The following CSF1R variants were observed in gnomAD, a reference collection of about 807,000 sequenced individuals.
CSF1R encodes the protein colony stimulating factor 1 receptor.
In CSF1R, 40 loss-of-function variants were observed where a neutral mutation model predicts 110.0. The observed-to-expected ratio is 0.36, with a 90% CI of 0.28 to 0.47. The LOEUF (loss-of-function observed/expected upper bound fraction) is 0.47, where lower values mean the gene tolerates loss of function less well. Ranked by LOEUF, CSF1R falls within the 20% of genes least tolerant of loss-of-function variation. CSF1R has a pLI of 0.99. For synonymous variants in CSF1R, 523 were observed against 503.4 expected, an observed-to-expected ratio of 1.04 and a Z score of -0.52; for missense variants, 1,052 against 1,253.0, an observed-to-expected ratio of 0.84 and a Z score of 2.42.
At chr5:150,061,426 AG>A in intron 12 of CSF1R, 64 bp downstream of exon 12, 1 of 1,261,644 alleles carries the variant, frequency 7.9e-7, no homozygotes. Context: ...TTGTGACACC[AG>A]GGCCAGCCCA....
At chr5:150,079,136 G>A (rs993454906) in intron 3 of CSF1R, among the ~76,000 whole-genome samples, 9 of 152,230 alleles carry the variant, frequency 5.9e-5, no homozygotes, top group African/African-American at 2.2e-4. Flanking sequence ...GGTCCCTGAG[G>A]GGGTGTCAAG....
chr5:150,113,161 G>A (rs1363315174), intron 1 of CSF1R: 1 of 152,518 alleles, frequency 6.6e-6, no homozygotes, highest in Admixed American at 6.5e-5. Context: ...CAACCCCTGA[G>A]ATGCTGCAGC....
chr5:150,111,776 G>C lies in CSF1R; in HGVS notation c.-181+1485C>G, dbSNP rs142910654. Among the ~76,000 whole-genome samples, 186 of 152,270 alleles carry C rather than the reference G, an allele frequency of 1.2e-3. 1 individual carries two copies. Among genetic ancestry groups the C allele is most frequent in the African/African-American group, 4.4e-3 (181 of 41,534 alleles). On this transcript the variant is annotated intron_variant, in intron 1 of 21. Transcript: ENST00000286301. ...CCTGAATGCACATTTGATTTGGTTT[G>C]AATGCAAATCAAAATTGTGAAAATA...
intron 5 of CSF1R, 82 bp from the exon 6 acceptor site, chr5:150,073,575 A>G: frequency 4.9e-6 from 7 of 1,436,410 alleles, no homozygotes; most frequent in Non-Finnish European, 6.7e-6. Context: ...CCACCCATTG[A>G]TCCAGTCCCT....
At position 150,061,838 on chromosome 5, in the gene CSF1R, G is replaced by T. The variant is rs1478368741; in HGVS notation, c.1638C>A (p.Tyr546Ter). 6.2e-7 allele frequency: 1 copy of T among 1,614,192 alleles called. No individual in the cohort carries two copies. Among genetic ancestry groups the T allele is most frequent in the Non-Finnish European group, 8.5e-7 (1 of 1,180,024 alleles). The part of the protein sequence containing the change: ...LLYKYKQKPK[Y>*]QVRWKIIESY... ...TCTCGATGATCTTCCAGCGGACCTG[G>T]TACTTGGGCTTCTGCAGAAGAGGAA... is the stretch of plus-strand genomic sequence containing the variant. The change falls in exon 11 of 21, where the codon TAC becomes TAA. Residue 546 changes from tyrosine (Y) to a stop codon, truncating the protein, a stop_gained. Coordinates refer to ENST00000675795, the MANE Select transcript of CSF1R (RefSeq NM_001288705.3). LOFTEE classifies it high-confidence loss of function.
chr5:150,084,798 G>A (rs1758759925), intron 1 of CSF1R, among the ~76,000 whole-genome samples: 1 of 152,230 alleles, frequency 6.6e-6, no homozygotes, highest in East Asian at 1.9e-4. Context: ...TTGAGACCTG[G>A]CTCAGATACT....
intron 19 of CSF1R, chr5:150,054,929 G>T (rs1305850933): frequency 1.9e-5 from 6 of 312,714 alleles, no homozygotes; most frequent in Non-Finnish European, 3.6e-5. Flanking sequence ...GATTGAGGCT[G>T]CAGTGAGCTA....
intron 13 of CSF1R, among the ~76,000 whole-genome samples, chr5:150,060,566 C>T (rs1757460397): frequency 6.6e-6 from 1 of 152,044 alleles, no homozygotes; most frequent in Non-Finnish European, 1.5e-5. Flanking sequence ...GGCTTCACTC[C>T]AGACCCAGAG....
At chr5:150,079,134 A>AG (rs769143193) in intron 3 of CSF1R, among the ~76,000 whole-genome samples, 14 of 152,172 alleles carry the variant, frequency 9.2e-5, no homozygotes, top group Admixed American at 6.5e-5. Context: ...AAGGTCCCTG[A>AG]GGGGGTGTCA....
rs544580321 is a variant in CSF1R at position 150,086,412 on chromosome 5, G to A, written c.16C>T (p.Leu6=). 2 of 1,610,616 alleles carry A rather than the reference G, an allele frequency of 1.2e-6. No homozygotes were observed. The highest frequency in any genetic ancestry group is 4.5e-5 in the East Asian group (2 of 44,826). Residue 6 remains leucine, a synonymous_variant, in exon 1 of 21, where the codon CTG becomes TTG. Transcript: ENST00000675795. Reference sequence around the variant, plus strand: ...GCTGTGGCCACCAGCAGGAGCAGCAGAACTCCTGGGCCCATGGCCTCGGTG... The same window carrying A: ...GCTGTGGCCACCAGCAGGAGCAGCAAAACTCCTGGGCCCATGGCCTCGGTG... MGPGV[L]LLLLVATAWH... is the part of the protein sequence containing the mutation.
At chr5:150,097,394 AAAG>A (rs1233245720) in intron 1 of CSF1R, among the ~76,000 whole-genome samples, 6 of 151,924 alleles carry the variant, frequency 3.9e-5, no homozygotes, top group East Asian at 1.9e-4. Flanking sequence ...AAAAGAAAGG[AAAG>A]AAGAAGAAAG....
intron 10 of CSF1R, chr5:150,067,238 T>C (rs768339000): frequency 6.6e-6 from 1 of 152,040 alleles, no homozygotes; most frequent in South Asian, 2.1e-4. Context: ...AGCTTCCTGA[T>C]GGGTAAGATA....
upstream of CSF1R, among the ~76,000 whole-genome samples, chr5:150,087,961 C>A (rs1044567595): frequency 6.6e-6 from 1 of 152,092 alleles, no homozygotes; most frequent in Non-Finnish European, 1.5e-5. Flanking sequence ...GTCTCAAACC[C>A]CTGAGCTCAA....
Position 150,061,788 on chromosome 5 carries a change from A to G in CSF1R, c.1688T>C (p.Phe563Ser). Residue 563 changes from phenylalanine to serine, a missense_variant, in exon 11 of 21, where the codon TTC (phenylalanine) becomes TCC (serine). Phe to Ser is a radical substitution (Grantham distance 155). Around this residue, in one of 5 missense-constraint regions of CSF1R, gnomAD observed 693 missense variants for 735.4 expected, o/e 0.94. Transcript: ENST00000675795. ...GTAAGGCAGCTGCGTGGGGTCGATG[A>G]AAGTATAACTGTTGCCCTCATAGCT... is the stretch of plus-strand genomic sequence containing the variant. ...IESYEGNSYT[F>S]IDPTQLPYNE... 6.2e-7 allele frequency: 1 copy of G among 1,614,216 alleles called. No individual in the cohort carries two copies. The highest frequency in any genetic ancestry group is 8.5e-7 in the Non-Finnish European group (1 of 1,180,050).
At chr5:150,088,981 T>A (rs1210547208), upstream of CSF1R, among the ~76,000 whole-genome samples, 1 of 152,210 alleles carries the variant, frequency 6.6e-6, no homozygotes, top group Non-Finnish European at 1.5e-5. Flanking sequence ...CATATGATCA[T>A]GTCACTTGAT....
intron 1 of CSF1R, among the ~76,000 whole-genome samples, chr5:150,095,976 A>G (rs994623699): frequency 6.6e-6 from 1 of 152,254 alleles, no homozygotes; most frequent in African/African-American, 2.4e-5. Flanking sequence ...TAACATGAAC[A>G]GTCCTGTATC....
intron 10 of CSF1R, among the ~76,000 whole-genome samples, chr5:150,065,241 ATCC>A (rs3036027): frequency 0.069 from 10,544 of 152,106 alleles, 559 homozygotes; most frequent in East Asian, 0.29. Flanking sequence ...GATGTTCTCC[ATCC>A]CAGGAAGGTG....
At chr5:150,061,348 A>G (rs1757511576) in intron 12 of CSF1R, 143 bp downstream of exon 12, 1 of 718,172 alleles carries the variant, frequency 1.4e-6, no homozygotes, top group Non-Finnish European at 2.2e-6. Context: ...GCTCACAAGA[A>G]AACCCAAGTC....
At position 150,110,163 on chromosome 5, in the gene CSF1R, C is replaced by G. The variant is rs535224033; in HGVS notation, c.-181+3098G>C. On this transcript the variant is annotated intron_variant, in intron 1 of 21. Coordinates refer to the CSF1R transcript ENST00000286301. ...GTTCGTATCCACCTTTCCCACCAAACTACTCACCCCGGCACTCCAGCTCAT... is the reference window on the plus strand; with the variant it reads ...GTTCGTATCCACCTTTCCCACCAAAGTACTCACCCCGGCACTCCAGCTCAT... 2.6e-5 allele frequency among the ~76,000 whole-genome samples: 4 copies of G among 152,314 alleles called. No homozygotes were observed. The South Asian group carries it at 6.2e-4, about 24-fold the overall frequency.
Sources: gnomAD v4.1 joint callset for allele counts (sites outside exome capture counted in the v4.1 genomes callset) on GRCh38, gnomAD v4.1.1 for gene constraint, gnomAD v4.1.1 regional missense constraint, MANE v1.5 for transcripts, NCBI Gene and HGNC (gene_info 2026-07-23, HGNC 2026-07-21) for gene names.